The following EXOC6 variants were observed in gnomAD, a reference collection of about 807,000 sequenced individuals.
EXOC6 encodes exocyst complex component 6.
A neutral mutation model predicts 112.5 loss-of-function variants in EXOC6; 60 were observed. That is an observed-to-expected ratio of 0.53 (90% confidence interval 0.43 to 0.66). The LOEUF (loss-of-function observed/expected upper bound fraction) is 0.66, where lower values mean the gene tolerates loss of function less well. EXOC6 is among the 30% of genes least tolerant of loss of function. EXOC6 has a pLI of 0.00. For missense variants in EXOC6, 855 were observed against 957.1 expected (o/e 0.89, Z 1.41); for synonymous variants, 295 against 308.0 (o/e 0.96, Z 0.44).
chr10:92,967,592 G>C (rs1156719614), intron 17 of EXOC6, among the ~76,000 whole-genome samples: 2 of 152,250 alleles, frequency 1.3e-5, no homozygotes, highest in East Asian at 1.9e-4. Context: ...CTTTAGCTCT[G>C]TAAGTTTGGA....
intron 18 of EXOC6, among the ~76,000 whole-genome samples, chr10:92,975,193 A>G (rs1224939801): frequency 2.1e-5 from 3 of 145,674 alleles, no homozygotes; most frequent in African/African-American, 7.8e-5. Context: ...ATCGTCTGAG[A>G]TGTGGGGAGC....
chr10:92,917,766 C>G (rs1483911390), intron 7 of EXOC6, among the ~76,000 whole-genome samples: 2 of 152,132 alleles, frequency 1.3e-5, no homozygotes, highest in East Asian at 3.9e-4. Context: ...CTCAGATTAT[C>G]TTAGCCTCAA....
chr10:93,025,884 C>T (rs1005960450), intron 20 of EXOC6, among the ~76,000 whole-genome samples: 1 of 152,200 alleles, frequency 6.6e-6, no homozygotes, highest in Admixed American at 6.5e-5. Flanking sequence ...CCACCCCACA[C>T]TGTGCCTCTT....
intron 1 of EXOC6, among the ~76,000 whole-genome samples, chr10:92,871,843 T>G (rs1020197829): frequency 4.6e-5 from 7 of 151,982 alleles, no homozygotes. Flanking sequence ...AATAATTTCT[T>G]CTCTTTCAAT....
At chr10:92,963,341 A>G (rs753446408) in intron 17 of EXOC6, among the ~76,000 whole-genome samples, 2 of 152,136 alleles carry the variant, frequency 1.3e-5, no homozygotes, top group Non-Finnish European at 2.9e-5. Flanking sequence ...TGCATTATCT[A>G]ACTCTCTAAG....
intron 20 of EXOC6, among the ~76,000 whole-genome samples, chr10:93,042,955 ATTATTT>A (rs1453916420): frequency 5.8e-5 from 5 of 86,194 alleles, no homozygotes; most frequent in African/African-American, 3.0e-4. Flanking sequence ...TATTATTATT[ATTATTT>A]TTTGAGATGG....
intron 18 of EXOC6, among the ~76,000 whole-genome samples, chr10:92,991,278 A>C (rs1231647398): frequency 6.6e-6 from 1 of 151,700 alleles, no homozygotes; most frequent in Non-Finnish European, 1.5e-5. Context: ...TCTACCAAAA[A>C]CACAAATATT....
At chr10:92,855,447 C>T (rs969879083) in intron 1 of EXOC6, among the ~76,000 whole-genome samples, 10 of 152,056 alleles carry the variant, frequency 6.6e-5, no homozygotes, top group South Asian at 2.1e-4. Flanking sequence ...AGGAAGTGTT[C>T]GCTTCTCTTC....
chr10:93,022,585 G>A (rs556244133), intron 20 of EXOC6, among the ~76,000 whole-genome samples: 10 of 152,178 alleles, frequency 6.6e-5, no homozygotes, highest in Admixed American at 5.2e-4. Context: ...CTGTGGCATG[G>A]CTTGAATTTT....
intron 17 of EXOC6, among the ~76,000 whole-genome samples, chr10:92,967,428 C>T (rs531604506): frequency 6.6e-6 from 1 of 152,112 alleles, no homozygotes; most frequent in South Asian, 2.1e-4. Context: ...TTTCAATTGT[C>T]CCATATTGCT....
At chr10:92,965,029 A>G (rs1485586470) in intron 17 of EXOC6, among the ~76,000 whole-genome samples, 1 of 152,138 alleles carries the variant, frequency 6.6e-6, no homozygotes, top group Non-Finnish European at 1.5e-5. Flanking sequence ...CTGGTAATTG[A>G]CTTAAACTTA....
intron 9 of EXOC6, among the ~76,000 whole-genome samples, chr10:92,933,196 C>T (rs867080612): frequency 3.3e-5 from 5 of 152,094 alleles, no homozygotes; most frequent in Middle Eastern, 6.8e-3. Context: ...GCAAAACTGC[C>T]ACAACTACAA....
rs768697634 is a variant in EXOC6 at position 92,848,556 on chromosome 10, T to C, written c.23T>C (p.Leu8Pro). The C allele has an allele frequency of 1.7e-5, 25 of 1,431,664 alleles. No homozygotes were observed. The African/African-American group carries it at 3.5e-4, about 20-fold the overall frequency. The allele number at this position is 1,431,664 out of a possible 1,614,324, so 88.7% of individuals were successfully genotyped here. ...AAAATGGCGGAGAACAGCGAGAGTC[T>C]GGGCACCGTCCCCGAGCACGAGCGG... MAENSES[L>P]GTVPEHERIL... The change falls in exon 1 of 22, where the codon CTG (leucine) becomes CCG (proline). Residue 8 changes from leucine (L) to proline (P), a missense_variant. Coordinates refer to ENST00000260762, the MANE Select transcript of EXOC6 (RefSeq NM_019053.6).
chr10:92,902,747 T>C (rs752365045), intron 5 of EXOC6, among the ~76,000 whole-genome samples: 13 of 152,152 alleles, frequency 8.5e-5, no homozygotes, highest in Non-Finnish European at 1.8e-4. Flanking sequence ...CCCCACAGTT[T>C]GCTCATACCT....
At chr10:92,836,606 G>T (rs556666254) in intron 1 of EXOC6, among the ~76,000 whole-genome samples, 3 of 152,308 alleles carry the variant, frequency 2.0e-5, no homozygotes, top group Admixed American at 2.0e-4. Flanking sequence ...GGGGTAGAGT[G>T]AAGTTGCAAC....
Position 93,058,590 on chromosome 10 carries a change from C to A in EXOC6, c.*235C>A. On this transcript the variant is annotated 3_prime_UTR_variant, in exon 22 of 22. Coordinates refer to ENST00000260762, the MANE Select transcript of EXOC6 (RefSeq NM_019053.6). ...ATTTTTTCACTTTTAGGGGAAAATG[C>A]AAAAGTGTAATACATAAATTGTCAC... 3.0e-6 allele frequency: 1 copy of A among 336,644 alleles called. No individual in the cohort carries two copies. Among genetic ancestry groups the A allele is most frequent in the Non-Finnish European group, 5.3e-6 (1 of 188,096 alleles). 20.9% of individuals were successfully genotyped at this position (336,644 alleles called of 1,614,324 possible).
At chr10:93,031,809 G>T (rs572277541) in intron 20 of EXOC6, among the ~76,000 whole-genome samples, 1 of 152,038 alleles carries the variant, frequency 6.6e-6, no homozygotes, top group South Asian at 2.1e-4. Context: ...CACCGTGCCC[G>T]CCCCCATGCC....
intron 1 of EXOC6, among the ~76,000 whole-genome samples, chr10:92,883,711 C>T (rs1274022788): frequency 6.6e-6 from 1 of 151,986 alleles, no homozygotes; most frequent in Non-Finnish European, 1.5e-5. Flanking sequence ...AGTGTGAAAG[C>T]AATTTTTTAT....
chr10:92,838,797 A>G (rs1255839662), intron 1 of EXOC6, among the ~76,000 whole-genome samples: 1 of 152,200 alleles, frequency 6.6e-6, no homozygotes, highest in African/African-American at 2.4e-5. Flanking sequence ...TACCTAGGCC[A>G]GGCACGGTGG....
Sources: gnomAD v4.1 joint callset for allele counts (sites outside exome capture counted in the v4.1 genomes callset) on GRCh38, gnomAD v4.1.1 for gene constraint, MANE v1.5 for transcripts, NCBI Gene and HGNC (gene_info 2026-07-23, HGNC 2026-07-21) for gene names.